Variants in KDM4B observed in about 807,000 individuals in gnomAD.
KDM4B encodes lysine-specific demethylase 4B.
Under a neutral mutation model 125.2 loss-of-function variants are expected in KDM4B, and 32 were observed. The observed-to-expected ratio is 0.26, with a 90% confidence interval of 0.19 to 0.34. The LOEUF (loss-of-function observed/expected upper bound fraction) is 0.34, where lower values mean the gene tolerates loss of function less well. Among genes scored for constraint, KDM4B ranks in the 10% least tolerant of loss-of-function variants. The pLI, the probability that KDM4B is intolerant of heterozygous loss-of-function variation, is 1.00. For synonymous variants in KDM4B, 721 were observed against 677.9 expected, an observed-to-expected ratio of 1.06 and a Z score of -0.99; for missense variants, 1,190 against 1,577.7, an observed-to-expected ratio of 0.75 and a Z score of 4.16.
At chr19:4,985,935 C>T (rs912224563) in intron 1 of KDM4B, among the ~76,000 whole-genome samples, 9 of 152,218 alleles carry the variant, frequency 5.9e-5, no homozygotes, top group African/African-American at 9.6e-5. Context: ...CTGCACCGGC[C>T]GTCTCCCGGT....
chr19:4,991,771 C>G (rs1208863142), intron 1 of KDM4B, among the ~76,000 whole-genome samples: 2 of 152,180 alleles, frequency 1.3e-5, no homozygotes, highest in Admixed American at 6.5e-5. Context: ...TTCTGTCACC[C>G]CCAGGCCCTG....
chr19:5,006,393 G>T (rs147028594), intron 1 of KDM4B, among the ~76,000 whole-genome samples: 43 of 149,906 alleles, frequency 2.9e-4, no homozygotes, highest in African/African-American at 1.1e-3. Flanking sequence ...AGGCCCCTCC[G>T]CCGCATCTTT....
At chr19:5,021,796 G>C (rs2036129715) in intron 2 of KDM4B, among the ~76,000 whole-genome samples, 1 of 152,128 alleles carries the variant, frequency 6.6e-6, no homozygotes, top group Middle Eastern at 3.4e-3. Flanking sequence ...ACCATGCCCG[G>C]CTAATTTTTG....
At chr19:5,022,700 AG>A (rs1228122152) in intron 2 of KDM4B, among the ~76,000 whole-genome samples, 1 of 151,996 alleles carries the variant, frequency 6.6e-6, no homozygotes, top group African/African-American at 2.4e-5. Flanking sequence ...TTGGTGTTGC[AG>A]GGGAGCTGGG....
chr19:5,067,285 C>T (rs1015900019), intron 6 of KDM4B, among the ~76,000 whole-genome samples: 27 of 152,192 alleles, frequency 1.8e-4, no homozygotes, highest in South Asian at 8.3e-4. Flanking sequence ...GGCTGTTCTG[C>T]CTTGCACAGA....
intron 14 of KDM4B, among the ~76,000 whole-genome samples, chr19:5,134,753 G>A (rs1479993161): frequency 2.6e-5 from 4 of 152,174 alleles, no homozygotes; most frequent in Non-Finnish European, 4.4e-5. Flanking sequence ...AGGCCTGTGC[G>A]CCGGCCGGGT....
At position 5,082,936 on chromosome 19, in the gene KDM4B, G is replaced by T. The variant is rs143515513; in HGVS notation, c.918+432G>T. On this transcript the variant is annotated intron_variant, in intron 9 of 22. Coordinates refer to ENST00000159111, the MANE Select transcript of KDM4B (RefSeq NM_015015.3). The surrounding 1 kb of genome is among the most constrained non-coding windows in gnomAD (Gnocchi z 5.4). ...TGCTGACATCTCTCTCCTGGGGGCC[G>T]CTTGGCCAGGCAGGAGCCCACTCAG... Among the ~76,000 whole-genome samples, 1 of 152,156 alleles carries T rather than the reference G, an allele frequency of 6.6e-6. No homozygotes were observed. The highest frequency in any genetic ancestry group is 1.5e-5 in the Non-Finnish European group (1 of 68,028).
rs1040873533 is a variant in KDM4B at position 4,969,206 on chromosome 19, G to A, written c.-133G>A. 1 of 149,314 alleles carries A rather than the reference G, an allele frequency of 6.7e-6. No homozygotes were observed. The highest frequency in any genetic ancestry group is 1.5e-5 in the Non-Finnish European group (1 of 67,098). 9.2% of individuals were successfully genotyped at this position (149,314 alleles called of 1,614,324 possible). The stretch of plus-strand genomic sequence containing the variant: ...GGGGGAGAGCGCGCCGCTGCTCCCG[G>A]ACCGGGCCGCGCACGCCGCCTCAGG... On this transcript the variant is annotated 5_prime_UTR_variant, in exon 1 of 23. Transcript: ENST00000159111.
At chr19:5,111,598 C>G (rs758517454) in intron 10 of KDM4B, 6 of 726,954 alleles carry the variant, frequency 8.3e-6, no homozygotes, top group Non-Finnish European at 1.5e-5. Flanking sequence ...GCTTCCAGGG[C>G]TCTGAGCTGC....
At chr19:5,064,003 G>A (rs1049534195) in intron 6 of KDM4B, among the ~76,000 whole-genome samples, 4 of 152,220 alleles carry the variant, frequency 2.6e-5, no homozygotes, top group South Asian at 4.1e-4. Context: ...AGCCCACCCT[G>A]TAGCCGGCTT....
intron 14 of KDM4B, among the ~76,000 whole-genome samples, 170 bp downstream of exon 14, chr19:5,134,231 T>C (rs1049585118): frequency 1.3e-5 from 2 of 152,190 alleles, no homozygotes; most frequent in African/African-American, 4.8e-5. Context: ...GCCTGGTCTC[T>C]GGGTTTTATT....
At chr19:5,086,595 C>T (rs1203743179) in intron 9 of KDM4B, among the ~76,000 whole-genome samples, 2 of 152,280 alleles carry the variant, frequency 1.3e-5, no homozygotes, top group Admixed American at 6.5e-5. Flanking sequence ...GCCTGTCTCC[C>T]CGTCTACAGA....
At chr19:5,001,063 T>C (rs1218178719) in intron 1 of KDM4B, among the ~76,000 whole-genome samples, 3 of 151,828 alleles carry the variant, frequency 2.0e-5, no homozygotes, top group African/African-American at 7.3e-5. Context: ...ACAGAGTCTT[T>C]CTCTGTTGCC....
chr19:5,079,410 A>G (rs965456091), intron 8 of KDM4B, among the ~76,000 whole-genome samples: 1 of 152,210 alleles, frequency 6.6e-6, no homozygotes, highest in African/African-American at 2.4e-5. Context: ...TCGCAGGAAC[A>G]TAATCTTCTT....
At chr19:5,012,557 G>T (rs1474916749) in intron 1 of KDM4B, among the ~76,000 whole-genome samples, 1 of 152,156 alleles carries the variant, frequency 6.6e-6, no homozygotes, top group Non-Finnish European at 1.5e-5. Context: ...TCTGGGCTGG[G>T]ACCACTCCCG....
At position 5,115,009 on chromosome 19, in the gene KDM4B, A is replaced by G. The variant is rs1251539780; in HGVS notation, c.1115+4191A>G. On this transcript the variant is annotated intron_variant, in intron 10 of 22. Transcript: ENST00000159111. This position sits in a 1 kb window ranked among gnomAD's most constrained non-coding sequence, Gnocchi z 4.2. The stretch of plus-strand genomic sequence containing the variant: ...CACTCTCTCCTGAAACGCCACTGAA[A>G]CACCAGAGAGTGAAGTGCAGAGAAC... 6.6e-6 allele frequency among the ~76,000 whole-genome samples: 1 copy of G among 152,254 alleles called. No individual in the cohort carries two copies. Among genetic ancestry groups the G allele is most frequent in the Non-Finnish European group, 1.5e-5 (1 of 68,048 alleles).
rs200928850 is a variant in KDM4B at position 5,008,906 on chromosome 19, C to CTTTTTTTTT, written c.-108-7333_-108-7325dup. 1.9e-5 allele frequency among the ~76,000 whole-genome samples: 2 copies of CTTTTTTTTT among 104,466 alleles called. 1 individual carries two copies. The highest frequency in any genetic ancestry group is 9.4e-5 in the African/African-American group (2 of 21,228). The allele number at this position is 104,466 out of a possible 152,430, so 68.5% of individuals were successfully genotyped here. A position where few individuals can be genotyped will look rare whatever the true frequency, so the allele number is the denominator to read the frequency against. ...ATGAGTGACCATGCCTGGCCCCTGC[C>CTTTTTTTTT]TTTTTTTTTTTTTTTTTTTTTTTTT... is the stretch of plus-strand genomic sequence containing the variant. On this transcript the variant is annotated intron_variant, in intron 1 of 22. Transcript: ENST00000159111.
At chr19:5,024,434 A>G (rs975821042) in intron 2 of KDM4B, among the ~76,000 whole-genome samples, 11 of 152,012 alleles carry the variant, frequency 7.2e-5, no homozygotes, top group Non-Finnish European at 1.3e-4. Context: ...CGATCAGGAG[A>G]GCAGCCCAGG....
At chr19:4,987,016 G>T (rs1420668777) in intron 1 of KDM4B, among the ~76,000 whole-genome samples, 4 of 151,858 alleles carry the variant, frequency 2.6e-5, no homozygotes, top group African/African-American at 4.8e-5. Context: ...GAGCGTAGTG[G>T]CACAATCTCT....
Sources: gnomAD v4.1 joint callset for allele counts (sites outside exome capture counted in the v4.1 genomes callset) on GRCh38, gnomAD v4.1.1 for gene constraint, Gnocchi (gnomAD v3.1) non-coding constraint, MANE v1.5 for transcripts, NCBI Gene and HGNC (gene_info 2026-07-23, HGNC 2026-07-21) for gene names.